Variants in CLASP1 observed in about 807,000 individuals in gnomAD.
The protein encoded by CLASP1 is CLIP-associating protein 1.
Under a neutral mutation model 192.3 loss-of-function variants are expected in CLASP1, and 38 were observed. That is an observed-to-expected ratio of 0.20 (90% CI 0.15 to 0.26). CLASP1 has a LOEUF of 0.26. Among genes scored for constraint, CLASP1 ranks in the 10% least tolerant of loss-of-function variants. The pLI is 1.00. For synonymous variants in CLASP1, 691 were observed against 712.8 expected (o/e 0.97, Z 0.49); for missense variants, 1,433 against 1,932.5 (o/e 0.74, Z 4.85).
chr2:121,415,194 C>T (rs2078365457), intron 23 of CLASP1, among the ~76,000 whole-genome samples: 1 of 152,200 alleles, frequency 6.6e-6, no homozygotes, highest in Admixed American at 6.5e-5. Context: ...CTCAGTAATG[C>T]AATTGTAAAT....
At chr2:121,563,354 C>T (rs1256532751) in intron 2 of CLASP1, among the ~76,000 whole-genome samples, 1 of 152,170 alleles carries the variant, frequency 6.6e-6, no homozygotes, top group Non-Finnish European at 1.5e-5. Flanking sequence ...AAGACTTTGT[C>T]AAAGGCCAGT....
exon 25 of CLASP1, chr2:121,407,547 C>T (rs754624202): frequency 6.2e-7 from 1 of 1,614,008 alleles, no homozygotes; most frequent in Admixed American, 1.7e-5. Context: ...TTTGAACTAG[C>T]ACAGTGGTTG....
intron 1 of CLASP1, among the ~76,000 whole-genome samples, chr2:121,640,417 T>C (rs2071829862): frequency 6.6e-6 from 1 of 152,224 alleles, no homozygotes; most frequent in Non-Finnish European, 1.5e-5. Flanking sequence ...TATATTTTAC[T>C]ACAATAAAAC....
In CLASP1 at chr2:121,488,430, T is replaced by G. The variant is rs188269499; in HGVS notation, c.712+14737A>C. 8.5e-5 allele frequency among the ~76,000 whole-genome samples: 13 copies of G among 152,314 alleles called. No individual in the cohort carries two copies. The East Asian group carries it at 2.5e-3, about 29-fold the overall frequency. ...ATGAGAAAATGAAGGTGGACAGCCATGCTGCCAGTCCCAGGTCACAAACTG... is the reference window on the plus strand; with the variant it reads ...ATGAGAAAATGAAGGTGGACAGCCAGGCTGCCAGTCCCAGGTCACAAACTG... On this transcript the variant is annotated intron_variant, in intron 8 of 39. Coordinates refer to ENST00000263710, the Ensembl canonical transcript of CLASP1.
intron 8 of CLASP1, among the ~76,000 whole-genome samples, chr2:121,470,896 T>C (rs539385319): frequency 6.6e-6 from 1 of 152,360 alleles, no homozygotes; most frequent in South Asian, 2.1e-4. Context: ...TCACTTTCTA[T>C]GTTGCATTTC....
intron 1 of CLASP1, among the ~76,000 whole-genome samples, chr2:121,615,612 T>A (rs746486699): frequency 5.3e-5 from 8 of 151,866 alleles, no homozygotes; most frequent in Non-Finnish European, 1.0e-4. Flanking sequence ...GGCAAAATCC[T>A]GTCTCCACTA....
intron 6 of CLASP1, among the ~76,000 whole-genome samples, chr2:121,521,852 C>T (rs1460844801): frequency 1.3e-5 from 2 of 152,184 alleles, no homozygotes; most frequent in East Asian, 3.9e-4. Context: ...AGTGTCCTCT[C>T]TGGTCTGAGA....
intron 19 of CLASP1, among the ~76,000 whole-genome samples, chr2:121,431,111 AC>A (rs757282192): frequency 6.6e-6 from 1 of 152,010 alleles, no homozygotes; most frequent in African/African-American, 2.4e-5. Context: ...AATCACTTCT[AC>A]CCCCACAAGC....
Position 121,457,766 on chromosome 2 carries a change from A to T in CLASP1, c.1315-9T>A. 1.9e-6 allele frequency: 3 copies of T among 1,602,336 alleles called. No individual in the cohort carries two copies. Among genetic ancestry groups the T allele is most frequent in the Non-Finnish European group, 2.6e-6 (3 of 1,173,002 alleles). On this transcript the variant is annotated splice_polypyrimidine_tract_variant and intron_variant, in intron 13 of 39. Coordinates refer to ENST00000263710, the Ensembl canonical transcript of CLASP1. Reference sequence around the variant, plus strand: ...CTAGGGATGTGTGTGTGCTGTGAAGAACAACAAAAAACAGAGGTCAACACT... The same window carrying T: ...CTAGGGATGTGTGTGTGCTGTGAAGTACAACAAAAAACAGAGGTCAACACT...
At chr2:121,578,704 G>GA (rs2060806934) in intron 2 of CLASP1, among the ~76,000 whole-genome samples, 1 of 147,778 alleles carries the variant, frequency 6.8e-6, no homozygotes, top group Non-Finnish European at 1.5e-5. Flanking sequence ...CTCAAGCCTG[G>GA]CAACAGAGCA....
At chr2:121,510,781 G>A (rs1310246901) in intron 7 of CLASP1, among the ~76,000 whole-genome samples, 1 of 151,918 alleles carries the variant, frequency 6.6e-6, no homozygotes, top group South Asian at 2.1e-4. Flanking sequence ...CTGGGCAACA[G>A]AGAGAGATCC....
intron 1 of CLASP1, among the ~76,000 whole-genome samples, chr2:121,622,724 T>C (rs2067592165): frequency 6.6e-6 from 1 of 152,222 alleles, no homozygotes; most frequent in African/African-American, 2.4e-5. Context: ...AATTTCTGTA[T>C]ATTGATCCCG....
chr2:121,498,495 C>T (rs1460744693), intron 8 of CLASP1, among the ~76,000 whole-genome samples: 1 of 152,326 alleles, frequency 6.6e-6, no homozygotes, highest in East Asian at 1.9e-4. Context: ...GTGTGAGCCA[C>T]TGCACCTGGC....
intron 2 of CLASP1, among the ~76,000 whole-genome samples, chr2:121,564,893 G>A (rs2105341362): frequency 6.6e-6 from 1 of 152,324 alleles, no homozygotes; most frequent in Non-Finnish European, 1.5e-5. Context: ...CTGGGTTCCT[G>A]TGGCAGCTAT....
chr2:121,460,765 G>A (rs1014890187), intron 11 of CLASP1, among the ~76,000 whole-genome samples: 4 of 151,998 alleles, frequency 2.6e-5, no homozygotes, highest in Non-Finnish European at 4.4e-5. Context: ...GAATATTGGA[G>A]ACATACACTA....
At chr2:121,370,778 G>C (rs1483932804) in intron 34 of CLASP1, among the ~76,000 whole-genome samples, 1 of 152,170 alleles carries the variant, frequency 6.6e-6, no homozygotes, top group Non-Finnish European at 1.5e-5. Context: ...CACTCCACCT[G>C]TCCCTAGGTG....
intron 2 of CLASP1, among the ~76,000 whole-genome samples, chr2:121,556,141 G>A (rs1365291409): frequency 2.0e-5 from 3 of 151,366 alleles, no homozygotes; most frequent in Admixed American, 6.6e-5. Context: ...ACACCACCAC[G>A]CCTAGCTAAT....
exon 30 of CLASP1, chr2:121,397,260 G>A: frequency 6.2e-7 from 1 of 1,613,834 alleles, no homozygotes; most frequent in Non-Finnish European, 8.5e-7. Context: ...GAGACTCAAT[G>A]TATTTCAGGA....
chr2:121,343,731 G>A (rs201402253), intron 39 of CLASP1, among the ~76,000 whole-genome samples: 1 of 152,154 alleles, frequency 6.6e-6, no homozygotes, highest in East Asian at 1.9e-4. Context: ...AAAAAGTTTC[G>A]AAGATGGATG....
Sources: allele counts gnomAD v4.1 joint callset (sites outside exome capture counted in the v4.1 genomes callset), GRCh38; gene constraint gnomAD v4.1.1; transcripts MANE v1.5; gene names NCBI Gene and HGNC (gene_info 2026-07-23, HGNC 2026-07-21).